Variants in WWOX observed in about 807,000 individuals in gnomAD.
WWOX encodes WW domain containing oxidoreductase.
WWOX carries 69 observed loss-of-function variants against 46.2 expected under a neutral mutation model. That is an observed-to-expected ratio of 1.49 (90% CI 1.23 to 1.82). WWOX has a LOEUF of 1.82. WWOX is among the 40% of genes most tolerant of loss of function. The pLI is 0.00. For synonymous variants in WWOX, 359 were observed against 202.6 expected, an observed-to-expected ratio of 1.77 and a Z score of -6.56; for missense variants, 919 against 542.6, an observed-to-expected ratio of 1.69 and a Z score of -6.89.
At chr16:78,163,406 T>G (rs2151734625) in intron 4 of WWOX, among the ~76,000 whole-genome samples, 1 of 152,338 alleles carries the variant, frequency 6.6e-6, no homozygotes, top group African/African-American at 2.4e-5. Context: ...TTGGTGTGTT[T>G]ACCGTGGCCC....
chr16:78,684,188 A>G (rs1409628532), intron 8 of WWOX, among the ~76,000 whole-genome samples: 1 of 152,148 alleles, frequency 6.6e-6, no homozygotes, highest in Non-Finnish European at 1.5e-5. Flanking sequence ...GCAGAAATCC[A>G]CTGGCATGAG....
intron 5 of WWOX, among the ~76,000 whole-genome samples, chr16:78,321,564 T>G (rs911842323): frequency 6.6e-6 from 1 of 151,984 alleles, no homozygotes; most frequent in East Asian, 1.9e-4. Flanking sequence ...AGGACTGAAT[T>G]TGAAGTCCTT....
chr16:78,276,218 C>T (rs1471848561), intron 5 of WWOX, among the ~76,000 whole-genome samples: 1 of 152,184 alleles, frequency 6.6e-6, no homozygotes, highest in Admixed American at 6.5e-5. Context: ...GGCTCTTACT[C>T]TCACCAGCTC....
intron 8 of WWOX, among the ~76,000 whole-genome samples, chr16:79,003,306 G>T (rs1567475582): frequency 6.6e-6 from 1 of 152,068 alleles, no homozygotes; most frequent in Non-Finnish European, 1.5e-5. Flanking sequence ...CACAAGGAAT[G>T]GGAGGAACGG....
intron 8 of WWOX, among the ~76,000 whole-genome samples, chr16:79,162,690 G>A (rs76995991): frequency 6.6e-6 from 1 of 152,280 alleles, no homozygotes; most frequent in East Asian, 1.9e-4. Flanking sequence ...CCAAGGTCCT[G>A]TGTTCACCGC....
At chr16:79,040,599 C>A (rs889740) in intron 8 of WWOX, among the ~76,000 whole-genome samples, 16,619 of 152,078 alleles carry the variant, frequency 0.11, 948 homozygotes, top group African/African-American at 0.15. Context: ...TTTGTCATTT[C>A]TTTCTCACTT....
At chr16:78,151,339 C>G (rs1256779511) in intron 4 of WWOX, among the ~76,000 whole-genome samples, 1 of 152,126 alleles carries the variant, frequency 6.6e-6, no homozygotes, top group African/African-American at 2.4e-5. Context: ...GCTACCATGC[C>G]CATTGGGGTC....
chr16:78,574,557 G>C (rs1049317544), intron 8 of WWOX, among the ~76,000 whole-genome samples: 1 of 152,076 alleles, frequency 6.6e-6, no homozygotes, highest in South Asian at 2.1e-4. Context: ...TGCCTTCAAA[G>C]ACTACTACCT....
chr16:78,889,001 C>T (rs2044529212), intron 8 of WWOX, among the ~76,000 whole-genome samples: 2 of 152,064 alleles, frequency 1.3e-5, no homozygotes, highest in African/African-American at 2.4e-5. Flanking sequence ...TCACCACCTC[C>T]AGCTCCCCCT....
intron 8 of WWOX, among the ~76,000 whole-genome samples, chr16:78,686,874 C>A (rs557212981): frequency 6.6e-6 from 1 of 152,166 alleles, no homozygotes; most frequent in Admixed American, 6.5e-5. Context: ...TTCTTCTTTT[C>A]AAAAGGCATT....
intron 5 of WWOX, among the ~76,000 whole-genome samples, chr16:78,268,059 T>A (rs2079405447): frequency 6.6e-6 from 1 of 152,208 alleles, no homozygotes; most frequent in South Asian, 2.1e-4. Flanking sequence ...ACTCAAGCGA[T>A]CTGCCTGCCT....
At chr16:78,157,923 T>G (rs959885004) in intron 4 of WWOX, among the ~76,000 whole-genome samples, 2 of 152,244 alleles carry the variant, frequency 1.3e-5, no homozygotes, top group Non-Finnish European at 2.9e-5. Flanking sequence ...AACTAACATT[T>G]GTTTTCCACC....
chr16:78,857,032 A>G (rs146236946), intron 8 of WWOX, among the ~76,000 whole-genome samples: 3 of 152,218 alleles, frequency 2.0e-5, no homozygotes, highest in African/African-American at 7.2e-5. Flanking sequence ...ACAAACATAG[A>G]AAAGGTACAG....
chr16:79,211,474 C>G (rs545729783), intron 8 of WWOX, 134 bp from the exon 9 acceptor site: 8 of 1,115,948 alleles, frequency 7.2e-6, no homozygotes, highest in Middle Eastern at 2.8e-4. Flanking sequence ...AGCCCAGTAC[C>G]CTTTGCTATG....
chr16:79,122,682 G>T (rs535310986), intron 8 of WWOX, among the ~76,000 whole-genome samples: 1 of 151,716 alleles, frequency 6.6e-6, no homozygotes, highest in South Asian at 2.1e-4. Context: ...GGGTCTGCTC[G>T]CAGGAAATAA....
At chr16:78,622,424 C>A (rs1418824392) in intron 8 of WWOX, among the ~76,000 whole-genome samples, 8 of 152,010 alleles carry the variant, frequency 5.3e-5, no homozygotes, top group Non-Finnish European at 8.8e-5. Context: ...CACCCATAAT[C>A]CCAGGTACAC....
intron 4 of WWOX, among the ~76,000 whole-genome samples, chr16:78,158,052 G>A (rs1466876692): frequency 2.6e-5 from 4 of 152,192 alleles, no homozygotes; most frequent in Non-Finnish European, 5.9e-5. Context: ...GCTTGTACGT[G>A]CTTAGAACTG....
intron 8 of WWOX, among the ~76,000 whole-genome samples, chr16:78,892,511 C>G (rs2044612634): frequency 6.6e-6 from 1 of 152,182 alleles, no homozygotes. Flanking sequence ...GTCCAGAACA[C>G]ATGTCAAGAA....
intron 8 of WWOX, among the ~76,000 whole-genome samples, chr16:78,651,829 C>T (rs2142145026): frequency 6.6e-6 from 1 of 152,190 alleles, no homozygotes; most frequent in East Asian, 1.9e-4. Context: ...ATTGGTTGGA[C>T]TCATGCCTTA....
Sources: gnomAD v4.1 joint callset for allele counts (sites outside exome capture counted in the v4.1 genomes callset) on GRCh38, gnomAD v4.1.1 for gene constraint, MANE v1.5 for transcripts, NCBI Gene and HGNC (gene_info 2026-07-23, HGNC 2026-07-21) for gene names.